Variants in C10orf105 observed in about 807,000 individuals in gnomAD.
The protein encoded by C10orf105 is chromosome 10 open reading frame 105, also known as uncharacterized protein C10orf105.
C10orf105 carries 2 observed loss-of-function variants against 0.6 expected under a neutral mutation model. The ratio of observed to expected loss-of-function variants is 3.18; its 90% confidence interval spans 1.30 to 10.01. The LOEUF is 10.01. Ranked by LOEUF, C10orf105 falls within the 30% of genes most tolerant of loss-of-function variation. The probability of loss-of-function intolerance (pLI) is 0.04; values close to 1 mark genes in which losing one functional copy is unlikely to be tolerated. For synonymous variants in C10orf105, 95 were observed against 82.4 expected, an observed-to-expected ratio of 1.15 and a Z score of -0.83; for missense variants, 209 against 191.4, an observed-to-expected ratio of 1.09 and a Z score of -0.54.
At chr10:71,725,591 C>G in intron 1 of C10orf105, 2 of 1,518,162 alleles carry the variant, frequency 1.3e-6, no homozygotes, top group Non-Finnish European at 1.8e-6. Context: ...CAGAGAAGGC[C>G]ATTAGTTGGC....
upstream of C10orf105, among the ~76,000 whole-genome samples, chr10:71,721,869 A>C (rs1429574928): frequency 6.6e-6 from 1 of 152,062 alleles, no homozygotes; most frequent in East Asian, 1.9e-4. Context: ...CTGGGGTCCT[A>C]GTTCCTTCCT....
Position 71,715,983 on chromosome 10 carries a change from C to A in C10orf105, c.355G>T (p.Glu119Ter). The A allele has an allele frequency of 6.7e-7, 1 of 1,491,438 alleles. No individual in the cohort carries two copies. Among genetic ancestry groups the A allele is most frequent in the Non-Finnish European group, 8.9e-7 (1 of 1,120,680 alleles). The allele number at this position is 1,491,438 out of a possible 1,614,324, so 92.4% of individuals were successfully genotyped here. ...TAGTCACAGTGGCTGCGGTTGTCCTCGGGGCCCGGCAGGGGCTGTCGAGGG... is the reference window on the plus strand; with the variant it reads ...TAGTCACAGTGGCTGCGGTTGTCCTAGGGGCCCGGCAGGGGCTGTCGAGGG... The part of the protein sequence containing the change: ...TVPRQPLPGP[E>*]DNRSHCDYME... Residue 119 changes from glutamate to a stop codon, truncating the protein, a stop_gained, in exon 2 of 2, where the codon GAG becomes TAG. Coordinates refer to ENST00000441508, the MANE Select transcript of C10orf105 (RefSeq NM_001164375.3). LOFTEE classifies it high-confidence loss of function.
intron 1 of C10orf105, among the ~76,000 whole-genome samples, chr10:71,728,916 A>C (rs1446319377): frequency 2.6e-5 from 4 of 151,694 alleles, no homozygotes; most frequent in Non-Finnish European, 5.9e-5. Flanking sequence ...GGCTGGTCTC[A>C]AACTCCTGGG....
chr10:71,734,587 A>G (rs922652073), intron 1 of C10orf105: 1 of 1,597,936 alleles, frequency 6.3e-7, no homozygotes, highest in Non-Finnish European at 8.5e-7. Flanking sequence ...TGGAAGAGCC[A>G]CAGACGGCTA....
intron 1 of C10orf105, among the ~76,000 whole-genome samples, chr10:71,736,519 G>C (rs567660520): frequency 1.4e-3 from 210 of 152,278 alleles, no homozygotes; most frequent in African/African-American, 4.7e-3. Flanking sequence ...AGGCCTTCAG[G>C]GGGTAGGGGA....
At chr10:71,730,182 G>A (rs565041329) in intron 1 of C10orf105, among the ~76,000 whole-genome samples, 4 of 152,132 alleles carry the variant, frequency 2.6e-5, no homozygotes, top group Non-Finnish European at 5.9e-5. Flanking sequence ...GAAACTGGGG[G>A]CCCCAAAGAG....
At chr10:71,721,704 G>A (rs1422444546), upstream of C10orf105, among the ~76,000 whole-genome samples, 5 of 152,146 alleles carry the variant, frequency 3.3e-5, no homozygotes, top group African/African-American at 7.2e-5. Context: ...CGAGGCCAGC[G>A]CCTGCTACAG....
chr10:71,721,733 A>G (rs1213189984), upstream of C10orf105, among the ~76,000 whole-genome samples: 1 of 152,162 alleles, frequency 6.6e-6, no homozygotes, highest in African/African-American at 2.4e-5. Flanking sequence ...CTCTGCCTTC[A>G]TACCACCATG....
chr10:71,716,674 T>C, intron 1 of C10orf105: 1 of 237,728 alleles, frequency 4.2e-6, no homozygotes, highest in Non-Finnish European at 8.1e-6. Flanking sequence ...GCCTGGAAAC[T>C]TAAGACCAAC....
chr10:71,728,391 C>T (rs1189498210), intron 1 of C10orf105, among the ~76,000 whole-genome samples: 1 of 152,084 alleles, frequency 6.6e-6, no homozygotes. Flanking sequence ...GAAACTTTTA[C>T]ACCCATATGC....
In C10orf105 at chr10:71,712,111, T is replaced by C. The variant is rs1458310340; in HGVS notation, c.*3825A>G. ...GAGTCGCTAGGCATTCGGTGGCTTG[T>C]GGCAGCATAACTCCAGCCTCTGCCT... On this transcript the variant is annotated 3_prime_UTR_variant, in exon 2 of 2. Transcript: ENST00000441508. 1.9e-5 allele frequency: 3 copies of C among 153,956 alleles called. No homozygotes were observed. The highest frequency in any genetic ancestry group is 7.2e-5 in the African/African-American group (3 of 41,458). The allele number at this position is 153,956 out of a possible 1,614,324, so 9.5% of individuals were successfully genotyped here.
At chr10:71,720,206 G>A (rs962199268), upstream of C10orf105, among the ~76,000 whole-genome samples, 15 of 152,168 alleles carry the variant, frequency 9.9e-5, no homozygotes, top group South Asian at 2.1e-4. Flanking sequence ...CTCCTGCAGC[G>A]TCCCTGGGCC....
At chr10:71,728,076 G>A (rs1025168158) in intron 1 of C10orf105, among the ~76,000 whole-genome samples, 2 of 152,138 alleles carry the variant, frequency 1.3e-5, no homozygotes, top group African/African-American at 2.4e-5. Context: ...AACCCTTGGA[G>A]TCAAGGTCAT....
intron 1 of C10orf105, chr10:71,734,236 G>T (rs376447805): frequency 2.5e-6 from 4 of 1,605,580 alleles, no homozygotes; most frequent in Non-Finnish European, 3.4e-6. Context: ...CCCCTTCCCT[G>T]CAGGGTGTGA....
chr10:71,735,912 C>T (rs147002994), intron 1 of C10orf105, among the ~76,000 whole-genome samples: 2 of 152,360 alleles, frequency 1.3e-5, no homozygotes, highest in African/African-American at 4.8e-5. Flanking sequence ...GAGCCACCTG[C>T]GTCCTGCCAC....
intron 1 of C10orf105, chr10:71,734,404 A>G: frequency 6.6e-7 from 1 of 1,520,482 alleles, no homozygotes. Flanking sequence ...ACACTTCCTA[A>G]CCCATGTCCT....
At chr10:71,732,188 A>G (rs2132825276) in intron 1 of C10orf105, 1 of 1,613,882 alleles carries the variant, frequency 6.2e-7, no homozygotes, top group Middle Eastern at 1.6e-4. Context: ...CTGCTCAACG[A>G]GCTGGACGAG....
intron 1 of C10orf105, among the ~76,000 whole-genome samples, chr10:71,735,552 T>A (rs1414473153): frequency 6.6e-6 from 1 of 152,128 alleles, no homozygotes; most frequent in East Asian, 1.9e-4. Flanking sequence ...TCACATCAGC[T>A]ACCATCTAGA....
At position 71,725,488 on chromosome 10, in the gene C10orf105, C is replaced by A. The variant is rs780886093; in HGVS notation, c.-5-9146G>T. 2.5e-5 allele frequency: 41 copies of A among 1,613,894 alleles called. No homozygotes were observed. Among genetic ancestry groups the A allele is most frequent in the Non-Finnish European group, 3.4e-5 (40 of 1,179,844 alleles). On this transcript the variant is annotated intron_variant, in intron 1 of 1. Transcript: ENST00000398786. ...CGTGCTGATAGTGGAGGCCTACAAC[C>A]ACGACCTGGGCCCCATGCGGAGCTC...
Sources: gnomAD v4.1 joint callset for allele counts (sites outside exome capture counted in the v4.1 genomes callset) on GRCh38, gnomAD v4.1.1 for gene constraint, MANE v1.5 for transcripts, NCBI Gene and HGNC (gene_info 2026-07-23, HGNC 2026-07-21) for gene names.